LYPLA2: variants seen among roughly 807,000 people sequenced by gnomAD.
LYPLA2 encodes the protein acyl-protein thioesterase 2.
A neutral mutation model predicts 30.3 loss-of-function variants in LYPLA2; 7 were observed. That is an observed-to-expected ratio of 0.23 (90% CI 0.13 to 0.43). The LOEUF (loss-of-function observed/expected upper bound fraction) is 0.43, where lower values mean the gene tolerates loss of function less well. LYPLA2 is among the 20% of genes least tolerant of loss of function. The probability of loss-of-function intolerance (pLI) is 1.00; values close to 1 mark genes in which losing one functional copy is unlikely to be tolerated. For missense variants in LYPLA2, 206 were observed against 307.9 expected, an observed-to-expected ratio of 0.67 and a Z score of 2.48; for synonymous variants, 112 against 118.2, an observed-to-expected ratio of 0.95 and a Z score of 0.34.
rs770672716 is a variant in LYPLA2, at chr1:23,794,154, G to C, written c.369+18G>C. 2.8e-6 allele frequency: 4 copies of C among 1,412,272 alleles called. No homozygotes were observed. The highest frequency in any genetic ancestry group is 2.3e-5 in the East Asian group (1 of 42,702). 87.5% of individuals were successfully genotyped at this position (1,412,272 alleles called of 1,614,324 possible). On this transcript the variant is annotated intron_variant, in intron 7 of 9. Coordinates refer to ENST00000374514, the MANE Select transcript of LYPLA2 (RefSeq NM_007260.3). The surrounding 1 kb of genome is among the most constrained non-coding windows in gnomAD (Gnocchi z 5.9). Reference sequence around the variant, plus strand: ...TTTCACAGGTGAGGGGAGAGGGGTGGGGGGGTAGGGGGTAGGGGTGGCCGG... The same window carrying C: ...TTTCACAGGTGAGGGGAGAGGGGTGCGGGGGTAGGGGGTAGGGGTGGCCGG...
Position 23,793,810 on chromosome 1 carries a change from C to T in LYPLA2, c.225-50C>T, listed in dbSNP as rs757813911. 2 of 1,611,552 alleles carry T rather than the reference C, an allele frequency of 1.2e-6. No homozygotes were observed. The highest frequency in any genetic ancestry group is 1.7e-6 in the Non-Finnish European group (2 of 1,177,674). On this transcript the variant is annotated intron_variant, in intron 5 of 9. Coordinates refer to ENST00000374514, the MANE Select transcript of LYPLA2 (RefSeq NM_007260.3). The surrounding 1 kb of genome is among the most constrained non-coding windows in gnomAD (Gnocchi z 6.0). ...GAGGACACTTGGGCTGAGGGAGCCACAGGGGGCTGGCTGGGGTTTTCTATA... is the reference window on the plus strand; with the variant it reads ...GAGGACACTTGGGCTGAGGGAGCCATAGGGGGCTGGCTGGGGTTTTCTATA...
At position 23,794,071 on chromosome 1, in the gene LYPLA2, T is replaced by C; in HGVS notation, c.304T>C (p.Leu102=). ...IKKAAENIKA[L]IEHEMKNGIP... is the part of the protein sequence containing the mutation. ...CATGCCCCCTCCCCCAGTCAAGGCC[T>C]TGATTGAGCATGAAATGAAGAACGG... The change falls in exon 7 of 10, where the codon TTG becomes CTG. Residue 102 remains leucine, a synonymous_variant. Coordinates refer to ENST00000374514, the MANE Select transcript of LYPLA2 (RefSeq NM_007260.3). The surrounding 1 kb of genome is among the most constrained non-coding windows in gnomAD (Gnocchi z 5.9). 6.2e-7 allele frequency: 1 copy of C among 1,613,492 alleles called. No homozygotes were observed. The highest frequency in any genetic ancestry group is 1.1e-5 in the South Asian group (1 of 91,046).
In LYPLA2 at chr1:23,795,017, G is replaced by A; in HGVS notation, c.*285G>A. On this transcript the variant is annotated 3_prime_UTR_variant, in exon 10 of 10. Transcript: ENST00000374514. Reference sequence around the variant, plus strand: ...GAGGGGCTACAGGCAGCTGGAGAAAGGGGCCCAGCCGCTGACCCACTCACT... The same window carrying A: ...GAGGGGCTACAGGCAGCTGGAGAAAAGGGCCCAGCCGCTGACCCACTCACT... The A allele has an allele frequency of 1.6e-6, 1 of 642,726 alleles. No individual in the cohort carries two copies. Among genetic ancestry groups the A allele is most frequent in the Non-Finnish European group, 2.9e-6 (1 of 348,388 alleles). 39.8% of individuals were successfully genotyped at this position (642,726 alleles called of 1,614,324 possible). A position where few individuals can be genotyped will look rare whatever the true frequency, so the allele number is the denominator to read the frequency against.
In LYPLA2 at chr1:23,794,477, G is replaced by A; in HGVS notation, c.522G>A (p.Glu174=). 6.2e-7 allele frequency: 1 copy of A among 1,614,048 alleles called. No homozygotes were observed. The highest frequency in any genetic ancestry group is 1.1e-5 in the South Asian group (1 of 91,082). Residue 174 remains glutamate, a synonymous_variant, in exon 9 of 10, where the codon GAG becomes GAA. Transcript: ENST00000374514. This position sits in a 1 kb window ranked among gnomAD's most constrained non-coding sequence, Gnocchi z 5.9. ...KDLAILQCHG[E]LDPMVPVRFG... ...TGGCCATACTCCAGTGCCATGGGGA[G>A]CTGGACCCCATGGTGCCCGTACGGT...
Position 23,794,811 on chromosome 1 carries a change from C to T in LYPLA2, c.*79C>T, listed in dbSNP as rs1216338341. 2.1e-5 allele frequency: 32 copies of T among 1,519,124 alleles called. No homozygotes were observed. The highest frequency in any genetic ancestry group is 1.9e-4 in the Middle Eastern group (1 of 5,278). The allele number at this position is 1,519,124 out of a possible 1,614,324, so 94.1% of individuals were successfully genotyped here. A position where few individuals can be genotyped will look rare whatever the true frequency, so the allele number is the denominator to read the frequency against. On this transcript the variant is annotated 3_prime_UTR_variant, in exon 10 of 10. Coordinates refer to ENST00000374514, the MANE Select transcript of LYPLA2 (RefSeq NM_007260.3). The surrounding 1 kb of genome is among the most constrained non-coding windows in gnomAD (Gnocchi z 5.9). ...GCGTGGCACCATCTTGGATCTGAGC[C>T]GGTCGAGCCCCTGTCCCCACCCTTC... is the stretch of plus-strand genomic sequence containing the variant.
In LYPLA2 at chr1:23,792,762, T is replaced by A. The variant is rs1301606812; in HGVS notation, c.78+2T>A. 6.2e-7 allele frequency: 1 copy of A among 1,611,900 alleles called. No homozygotes were observed. The highest frequency in any genetic ancestry group is 1.7e-5 in the Admixed American group (1 of 60,010). The stretch of plus-strand genomic sequence containing the variant: ...GGAGCTGAGCGGGAAACGGCCGCGG[T>A]AAGGGTCCCCTTTCACCCACGGCCA... On this transcript the variant is annotated splice_donor_variant, in intron 2 of 9. Coordinates refer to ENST00000374514, the MANE Select transcript of LYPLA2 (RefSeq NM_007260.3). LOFTEE classifies it high-confidence loss of function.
rs759028589 is a variant in LYPLA2 at position 23,794,152 on chromosome 1, TG to T, written c.369+23del. On this transcript the variant is annotated intron_variant, in intron 7 of 9. Transcript: ENST00000374514. The surrounding 1 kb of genome is among the most constrained non-coding windows in gnomAD (Gnocchi z 5.9). ...CTTTTCACAGGTGAGGGGAGAGGGG[TG>T]GGGGGGTAGGGGGTAGGGGTGGCCG... is the stretch of plus-strand genomic sequence containing the variant. The T allele has an allele frequency of 4.6e-4, 58 of 124,752 alleles. 1 individual carries two copies. Among genetic ancestry groups the T allele is most frequent in the South Asian group, 2.5e-3 (32 of 12,816 alleles). The allele number at this position is 124,752 out of a possible 1,614,324, so 7.7% of individuals were successfully genotyped here. A position where few individuals can be genotyped will look rare whatever the true frequency, so the allele number is the denominator to read the frequency against.
Position 23,793,367 on chromosome 1 carries a change from A to G in LYPLA2, c.176+151A>G. The G allele has an allele frequency of 1.2e-6, 1 of 807,112 alleles. No individual in the cohort carries two copies. Among genetic ancestry groups the G allele is most frequent in the Non-Finnish European group, 2.0e-6 (1 of 496,848 alleles). 50.0% of individuals were successfully genotyped at this position (807,112 alleles called of 1,614,324 possible). On this transcript the variant is annotated intron_variant, in intron 4 of 9. Transcript: ENST00000374514. The surrounding 1 kb of genome is among the most constrained non-coding windows in gnomAD (Gnocchi z 6.0). The stretch of plus-strand genomic sequence containing the variant: ...GCATTTTCAGCCTGAGCTCCTGTGG[A>G]GCCCCCAGGAGTGGGGTCCAGCACC...
In LYPLA2 at chr1:23,795,531, C is replaced by A; in HGVS notation, c.*799C>A. The A allele has an allele frequency of 4.2e-6, 1 of 240,202 alleles. No individual in the cohort carries two copies. The highest frequency in any genetic ancestry group is 8.2e-6 in the Non-Finnish European group (1 of 121,808). The allele number at this position is 240,202 out of a possible 1,614,324, so 14.9% of individuals were successfully genotyped here. A position where few individuals can be genotyped will look rare whatever the true frequency, so the allele number is the denominator to read the frequency against. Reference sequence around the variant, plus strand: ...GATTCCGATAAAATTAAAGAAATTGCTTCCTCAACGCTCAGGCCTGGCTGA... The same window carrying A: ...GATTCCGATAAAATTAAAGAAATTGATTCCTCAACGCTCAGGCCTGGCTGA... On this transcript the variant is annotated 3_prime_UTR_variant, in exon 10 of 10. Coordinates refer to ENST00000374514, the MANE Select transcript of LYPLA2 (RefSeq NM_007260.3).
At position 23,794,574 on chromosome 1, in the gene LYPLA2, G is replaced by C. The variant is rs1179305819; in HGVS notation, c.619G>C (p.Gly207Arg). Residue 207 changes from glycine (G) to arginine (R), a missense_variant, in exon 9 of 10, where the codon GGT (glycine) becomes CGT (arginine). Gly to Arg is a moderately radical substitution (Grantham distance 125). Transcript: ENST00000374514. This position sits in a 1 kb window ranked among gnomAD's most constrained non-coding sequence, Gnocchi z 5.9. ...PARVQFKTYP[G>R]VMHSSCPQEM... ...CAGGGTCCAGTTCAAGACATACCCG[G>C]GTGTCATGCACAGCTCCTGTCCTCA... 6.2e-7 allele frequency: 1 copy of C among 1,613,986 alleles called. No homozygotes were observed. Among genetic ancestry groups the C allele is most frequent in the Non-Finnish European group, 8.5e-7 (1 of 1,180,022 alleles).
Position 23,792,732 on chromosome 1 carries a change from T to G in LYPLA2, c.50T>G (p.Val17Gly), listed in dbSNP as rs766691816. The change falls in exon 2 of 10, where the codon GTG becomes GGG. Residue 17 changes from valine (V) to glycine (G), a missense_variant. Transcript: ENST00000374514. Reference sequence around the variant, plus strand: ...CCCCTGCTCACCGATGCTGCCACCGTGTCTGGAGCTGAGCGGGAAACGGCC... The same window carrying G: ...CCCCTGCTCACCGATGCTGCCACCGGGTCTGGAGCTGAGCGGGAAACGGCC... ...SVPLLTDAAT[V>G]SGAERETAAV... is the part of the protein sequence containing the mutation. 1 of 1,612,410 alleles carries G rather than the reference T, an allele frequency of 6.2e-7. No homozygotes were observed. Among genetic ancestry groups the G allele is most frequent in the Non-Finnish European group, 8.5e-7 (1 of 1,179,918 alleles).
rs1570624036 is a variant in LYPLA2, at chr1:23,794,148, G to C, written c.369+12G>C. 5.8e-6 allele frequency: 9 copies of C among 1,562,086 alleles called. No individual in the cohort carries two copies. The highest frequency in any genetic ancestry group is 7.9e-6 in the Non-Finnish European group (9 of 1,137,184). ...GAGGCTTTTCACAGGTGAGGGGAGA[G>C]GGGTGGGGGGGTAGGGGGTAGGGGT... On this transcript the variant is annotated intron_variant, in intron 7 of 9. Transcript: ENST00000374514. The surrounding 1 kb of genome is among the most constrained non-coding windows in gnomAD (Gnocchi z 5.9).
rs751875332 is a variant in LYPLA2 at position 23,793,658 on chromosome 1, C to T, written c.177-47C>T. ...CACTCCGGGCTCTGAGCTCTGGCCT[C>T]CTCATTCCTCCTGAGCATGATGGGC... On this transcript the variant is annotated intron_variant, in intron 4 of 9. Coordinates refer to ENST00000374514, the MANE Select transcript of LYPLA2 (RefSeq NM_007260.3). This position sits in a 1 kb window ranked among gnomAD's most constrained non-coding sequence, Gnocchi z 6.0. The T allele has an allele frequency of 5.6e-6, 9 of 1,596,750 alleles. No individual in the cohort carries two copies. Among genetic ancestry groups the T allele is most frequent in the Admixed American group, 1.7e-5 (1 of 60,000 alleles).
chr1:23,791,766 T>C (rs531181594), intron 1 of LYPLA2, among the ~76,000 whole-genome samples: 18 of 151,536 alleles, frequency 1.2e-4, no homozygotes, highest in African/African-American at 4.4e-4. Context: ...GCATTCCCCA[T>C]GGGAAGAGGA....
chr1:23,792,579 G>T (rs1638817516), intron 1 of LYPLA2, 78 bp from the exon 2 acceptor site: 1 of 843,722 alleles, frequency 1.2e-6, no homozygotes, highest in Middle Eastern at 3.6e-4. Context: ...GTGTGGGGCT[G>T]ATGGCCTGGT....
At chr1:23,792,300 G>T (rs1401376651) in intron 1 of LYPLA2, among the ~76,000 whole-genome samples, 2 of 152,066 alleles carry the variant, frequency 1.3e-5, no homozygotes, top group Non-Finnish European at 2.9e-5. Context: ...GAGGGGGAAG[G>T]CACTCACCCC....
In LYPLA2 at chr1:23,793,061, C is replaced by T. The variant is rs770722930; in HGVS notation, c.110+22C>T. ...CAGGGTAAGTGACTGAGGAGGGGTG[C>T]TCCTTAAGGAGGGGTCCTGGCCCAG... On this transcript the variant is annotated intron_variant, in intron 3 of 9. Transcript: ENST00000374514. The surrounding 1 kb of genome is among the most constrained non-coding windows in gnomAD (Gnocchi z 6.0). 3 of 1,613,500 alleles carry T rather than the reference C, an allele frequency of 1.9e-6. No homozygotes were observed. The highest frequency in any genetic ancestry group is 1.7e-5 in the Admixed American group (1 of 59,966).
chr1:23,792,898 T>C, intron 2 of LYPLA2, 110 bp from the exon 3 acceptor site: 1 of 1,365,332 alleles, frequency 7.3e-7, no homozygotes, highest in South Asian at 1.3e-5. Context: ...AGTAACCTGT[T>C]TGGCTGCTAC....
rs1463244864 is a variant in LYPLA2, at chr1:23,793,225, C to G, written c.176+9C>G. 1 of 1,613,082 alleles carries G rather than the reference C, an allele frequency of 6.2e-7. No individual in the cohort carries two copies. Among genetic ancestry groups the G allele is most frequent in the Non-Finnish European group, 8.5e-7 (1 of 1,179,694 alleles). On this transcript the variant is annotated intron_variant, in intron 4 of 9. Coordinates refer to ENST00000374514, the MANE Select transcript of LYPLA2 (RefSeq NM_007260.3). This position sits in a 1 kb window ranked among gnomAD's most constrained non-coding sequence, Gnocchi z 6.0. ...TACATCTGTCCCCATGCGTGAGTGT[C>G]ACCCCAGCAAGGGAGGGGCTGAGGC... is the stretch of plus-strand genomic sequence containing the variant.
Sources: gnomAD v4.1 joint callset for allele counts (sites outside exome capture counted in the v4.1 genomes callset) on GRCh38, gnomAD v4.1.1 for gene constraint, Gnocchi (gnomAD v3.1) non-coding constraint, MANE v1.5 for transcripts, NCBI Gene and HGNC (gene_info 2026-07-23, HGNC 2026-07-21) for gene names.